The following MYCBP2 variants were observed in gnomAD, a reference collection of about 807,000 sequenced individuals.
MYCBP2 encodes the protein MYC binding protein 2.
A neutral mutation model predicts 525.3 loss-of-function variants in MYCBP2; 120 were observed. That is an observed-to-expected ratio of 0.23 (90% CI 0.20 to 0.27). The LOEUF (loss-of-function observed/expected upper bound fraction) is 0.27. Among genes scored for constraint, MYCBP2 ranks in the 10% least tolerant of loss-of-function variants. The probability of loss-of-function intolerance (pLI) is 1.00; values close to 1 mark genes in which losing one functional copy is unlikely to be tolerated. For synonymous variants in MYCBP2, 1,894 were observed against 1,955.8 expected (o/e 0.97, Z 0.83); for missense variants, 4,149 against 5,657.1 (o/e 0.73, Z 8.55).
chr13:77,283,791 G>A (rs1247552681), intron 3 of MYCBP2, among the ~76,000 whole-genome samples: 1 of 152,126 alleles, frequency 6.6e-6, no homozygotes, highest in African/African-American at 2.4e-5. Context: ...CAGCTACATG[G>A]GAGGCTAATG....
At chr13:77,153,608 T>C (rs2056815353) in intron 46 of MYCBP2, among the ~76,000 whole-genome samples, 1 of 152,242 alleles carries the variant, frequency 6.6e-6, no homozygotes, top group Admixed American at 6.5e-5. Context: ...AATCACTGAA[T>C]AATTTTATAC....
Position 77,097,949 on chromosome 13 carries a change from T to C in MYCBP2, c.9205A>G (p.Arg3069Gly). 1 of 1,613,498 alleles carries C rather than the reference T, an allele frequency of 6.2e-7. No individual in the cohort carries two copies. Among genetic ancestry groups the C allele is most frequent in the Non-Finnish European group, 8.5e-7 (1 of 1,179,768 alleles). Residue 3069 changes from arginine (R) to glycine (G), a missense_variant, in exon 56 of 83, where the codon AGG becomes GGG. Coordinates refer to ENST00000544440, the MANE Select transcript of MYCBP2 (RefSeq NM_015057.5). ...GGTTGTTGGCTATTTAAACTACTCC[T>C]TATAGGAGCATGTTCTTTGGAAAGT... Reference protein sequence around the residue: ...PELSKEHAPIRSSLNSQQPTE... With the variant: ...PELSKEHAPIGSSLNSQQPTE...
chr13:77,274,517 A>G (rs1027381620), intron 4 of MYCBP2, among the ~76,000 whole-genome samples: 1 of 152,156 alleles, frequency 6.6e-6, no homozygotes, highest in Admixed American at 6.6e-5. Flanking sequence ...GAACAAGAGA[A>G]AGAGGAGTAA....
chr13:77,301,146 G>A (rs2078746577), intron 1 of MYCBP2, among the ~76,000 whole-genome samples: 1 of 151,726 alleles, frequency 6.6e-6, no homozygotes, highest in African/African-American at 2.4e-5. Context: ...TGGGCGCGGT[G>A]GCTCACACCT....
chr13:77,055,605 A>G lies in MYCBP2; in HGVS notation c.13600T>C (p.Tyr4534His). 6.2e-7 allele frequency: 1 copy of G among 1,614,104 alleles called. No homozygotes were observed. The highest frequency in any genetic ancestry group is 8.5e-7 in the Non-Finnish European group (1 of 1,180,000). Residue 4534 changes from tyrosine to histidine, a missense_variant, in exon 80 of 83, where the codon TAT (tyrosine) becomes CAT (histidine). Physicochemically the swap from Tyr to His is moderately conservative, Grantham distance 83. Transcript: ENST00000544440. ...GVRFYNDPAG[Y>H]AMNRYAYYVC... ...TAATATGCATATCTATTCATTGCAT[A>G]GCCAGCTGGGTCATTATAAAACCTC...
At chr13:77,162,095 A>T in intron 43 of MYCBP2, 140 bp from the exon 44 acceptor site, 1 of 635,466 alleles carries the variant, frequency 1.6e-6, no homozygotes, top group Non-Finnish European at 2.7e-6. Flanking sequence ...ATTCTGGAAA[A>T]AATCCTAGTG....
intron 14 of MYCBP2, among the ~76,000 whole-genome samples, chr13:77,254,419 C>A (rs1250453295): frequency 6.6e-6 from 1 of 151,514 alleles, no homozygotes; most frequent in Non-Finnish European, 1.5e-5. Flanking sequence ...GGTAGAGACA[C>A]AATTTTTTAA....
At chr13:77,153,112 G>T (rs563279120) in intron 46 of MYCBP2, among the ~76,000 whole-genome samples, 1 of 149,850 alleles carries the variant, frequency 6.7e-6, no homozygotes, top group African/African-American at 2.5e-5. Flanking sequence ...CGCATTCATC[G>T]CGTTTCAAAC....
At chr13:77,065,871 T>A in intron 72 of MYCBP2, 121 bp downstream of exon 72, 1 of 599,444 alleles carries the variant, frequency 1.7e-6, no homozygotes, top group Non-Finnish European at 2.9e-6. Flanking sequence ...GTTAACATAC[T>A]ACAAATAGTC....
intron 18 of MYCBP2, 106 bp downstream of exon 18, chr13:77,233,050 A>G: frequency 1.1e-6 from 1 of 926,844 alleles, no homozygotes; most frequent in South Asian, 1.5e-5. Flanking sequence ...TCATGATAGA[A>G]GCAAAGTAGA....
chr13:77,326,441 T>C lies in MYCBP2; in HGVS notation c.302+33A>G. 2 of 1,515,996 alleles carry C rather than the reference T, an allele frequency of 1.3e-6. No individual in the cohort carries two copies. Among genetic ancestry groups the C allele is most frequent in the Non-Finnish European group, 1.8e-6 (2 of 1,137,748 alleles). The allele number at this position is 1,515,996 out of a possible 1,614,324, so 93.9% of individuals were successfully genotyped here. ...GCATGGGGCGCAAGGAAGGGCGGCATGGGGCGCAAGGAAGGGCACCCTGGG... is the reference window on the plus strand; with the variant it reads ...GCATGGGGCGCAAGGAAGGGCGGCACGGGGCGCAAGGAAGGGCACCCTGGG... On this transcript the variant is annotated intron_variant, in intron 1 of 82. Transcript: ENST00000544440. This position sits in a 1 kb window ranked among gnomAD's most constrained non-coding sequence, Gnocchi z 4.2.
At chr13:77,311,565 GTT>G (rs747995110) in intron 1 of MYCBP2, among the ~76,000 whole-genome samples, 3 of 121,896 alleles carry the variant, frequency 2.5e-5, no homozygotes, top group East Asian at 2.3e-4. Context: ...GTTTTTTTTT[GTT>G]TTTTTTTTTT....
At position 77,115,030 on chromosome 13, in the gene MYCBP2, T is replaced by C. The variant is rs541912326; in HGVS notation, c.8140+6343A>G. 9.2e-5 allele frequency among the ~76,000 whole-genome samples: 14 copies of C among 152,100 alleles called. No homozygotes were observed. In the East Asian group the frequency reaches 2.7e-3, roughly 29 times the overall value. ...ATCATATTGTCACAGTATAGTTGGC[T>C]TTAATTACTAAGAGAAAGAAATAAA... On this transcript the variant is annotated intron_variant, in intron 55 of 82. Coordinates refer to ENST00000544440, the MANE Select transcript of MYCBP2 (RefSeq NM_015057.5).
At chr13:77,288,065 C>T (rs2077070737) in intron 3 of MYCBP2, 96 bp downstream of exon 3, 2 of 1,256,968 alleles carry the variant, frequency 1.6e-6, no homozygotes, top group Non-Finnish European at 2.2e-6. Flanking sequence ...TGCAATTTTA[C>T]ATAAAGCAAA....
chr13:77,172,128 T>C (rs188963894), intron 37 of MYCBP2, among the ~76,000 whole-genome samples: 35 of 152,270 alleles, frequency 2.3e-4, no homozygotes, highest in Admixed American at 1.9e-3. Flanking sequence ...CTCAAACTCC[T>C]GACCTCGTGA....
At chr13:77,197,742 A>C (rs200095232) in intron 26 of MYCBP2, among the ~76,000 whole-genome samples, 2 of 152,252 alleles carry the variant, frequency 1.3e-5, no homozygotes, top group East Asian at 1.9e-4. Context: ...CAAAACAAAA[A>C]AATACAGAAG....
chr13:77,112,901 T>C (rs1045715620), intron 55 of MYCBP2, among the ~76,000 whole-genome samples: 2 of 152,198 alleles, frequency 1.3e-5, no homozygotes, highest in African/African-American at 4.8e-5. Context: ...CCAGATCTTG[T>C]ATCTTCTCTC....
intron 55 of MYCBP2, among the ~76,000 whole-genome samples, chr13:77,114,278 GAGA>G (rs2049337823): frequency 1.3e-5 from 2 of 152,050 alleles, no homozygotes. Context: ...CTCTCTTTTA[GAGA>G]AGGACTTTTT....
At chr13:77,295,639 A>T (rs1208748394) in intron 2 of MYCBP2, among the ~76,000 whole-genome samples, 24 of 152,222 alleles carry the variant, frequency 1.6e-4, no homozygotes, top group Admixed American at 1.6e-3. Flanking sequence ...TTGTTTCTTT[A>T]ACTCAAAGTG....
Sources: allele counts gnomAD v4.1 joint callset (sites outside exome capture counted in the v4.1 genomes callset), GRCh38; gene constraint gnomAD v4.1.1; non-coding constraint Gnocchi (gnomAD v3.1); transcripts MANE v1.5; gene names NCBI Gene and HGNC (gene_info 2026-07-23, HGNC 2026-07-21).